Variants in TENM4 observed in about 807,000 individuals in gnomAD.
TENM4 encodes the protein teneurin transmembrane protein 4, also known as teneurin-4.
A neutral mutation model predicts 243.3 loss-of-function variants in TENM4; 82 were observed. The observed-to-expected ratio is 0.34, with a 90% CI of 0.28 to 0.40. The LOEUF (loss-of-function observed/expected upper bound fraction) is 0.40, where lower values mean the gene tolerates loss of function less well. TENM4 is among the 10% of genes least tolerant of loss of function. The pLI, the probability that TENM4 is intolerant of heterozygous loss-of-function variation, is 1.00. For synonymous variants in TENM4, 1,412 were observed against 1,456.3 expected (o/e 0.97, Z 0.69); for missense variants, 3,138 against 3,673.3 (o/e 0.85, Z 3.77).
At chr11:78,938,397 C>A (rs1856829246) in intron 6 of TENM4, among the ~76,000 whole-genome samples, 1 of 152,084 alleles carries the variant, frequency 6.6e-6, no homozygotes, top group Non-Finnish European at 1.5e-5. Context: ...CATCATTTAC[C>A]ACTCAGAGCA....
At chr11:79,011,522 G>A (rs899474754) in intron 6 of TENM4, among the ~76,000 whole-genome samples, 11 of 152,194 alleles carry the variant, frequency 7.2e-5, no homozygotes, top group African/African-American at 2.7e-4. Flanking sequence ...CCTCCCTGAG[G>A]TTCTTGGCTT....
chr11:78,728,712 T>G (rs371087451), intron 22 of TENM4, among the ~76,000 whole-genome samples: 57 of 152,280 alleles, frequency 3.7e-4, no homozygotes, highest in African/African-American at 1.3e-3. Flanking sequence ...TGGTTACTCT[T>G]AAGTGCTTGG....
intron 19 of TENM4, among the ~76,000 whole-genome samples, chr11:78,750,215 TGAAATAA>T (rs1856150611): frequency 2.0e-5 from 3 of 152,252 alleles, no homozygotes; most frequent in Admixed American, 2.0e-4. Flanking sequence ...CACATGTAAC[TGAAATAA>T]GTTTCATGAA....
At chr11:79,251,459 G>T (rs485003) in intron 2 of TENM4, among the ~76,000 whole-genome samples, 29,279 of 152,176 alleles carry the variant, frequency 0.19, 3,721 homozygotes, top group African/African-American at 0.37. Flanking sequence ...ACTGTCCTAG[G>T]ACAAGTAGGA....
intron 2 of TENM4, among the ~76,000 whole-genome samples, chr11:79,222,621 C>T (rs1328845854): frequency 6.6e-6 from 1 of 152,174 alleles, no homozygotes; most frequent in East Asian, 1.9e-4. Context: ...ACATTCCCAC[C>T]AACAATGTAA....
At chr11:79,416,928 C>T (rs546582779) in intron 1 of TENM4, among the ~76,000 whole-genome samples, 6 of 151,982 alleles carry the variant, frequency 3.9e-5, no homozygotes, top group African/African-American at 1.2e-4. Flanking sequence ...GTAACATCAA[C>T]GCTTTCTTGC....
rs750353231 is a variant in TENM4 at position 78,786,990 on chromosome 11, C to G, written c.2273G>C (p.Arg758Pro). The part of the protein sequence containing the change: ...DGWMGAACDQ[R>P]ACHPRCAEHG... ...CTCGGCACAGCGCGGGTGGCAGGCC[C>G]GCTGGTCGCAGGCTGCCCCCATCCA... is the stretch of plus-strand genomic sequence containing the variant. The change falls in exon 16 of 34, where the codon CGG becomes CCG. Residue 758 changes from arginine to proline, a missense_variant. Transcript: ENST00000278550. The G allele has an allele frequency of 6.3e-7, 1 of 1,577,588 alleles. No homozygotes were observed. Among genetic ancestry groups the G allele is most frequent in the Middle Eastern group, 1.7e-4 (1 of 6,024 alleles).
rs540424882 is a variant in TENM4 at position 79,107,832 on chromosome 11, A to G, written c.-65-37823T>C. Among the ~76,000 whole-genome samples the G allele has an allele frequency of 8.3e-4, 127 of 152,342 alleles. 1 individual carries two copies. Among genetic ancestry groups the G allele is most frequent in the African/African-American group, 2.9e-3 (119 of 41,586 alleles). On this transcript the variant is annotated intron_variant, in intron 4 of 33. Transcript: ENST00000278550. ...TCCAAGCTTTGAGGCAAGTACTGTC[A>G]ACCCTATTTGAGCAAGAAGGACCCT...
chr11:79,315,489 C>T (rs4945338), intron 1 of TENM4, among the ~76,000 whole-genome samples: 2 of 152,038 alleles, frequency 1.3e-5, no homozygotes, highest in African/African-American at 2.4e-5. Flanking sequence ...TGTTTGGCTG[C>T]GGATAGGGGA....
At chr11:79,168,523 G>A (rs1307759345) in intron 3 of TENM4, among the ~76,000 whole-genome samples, 2 of 152,146 alleles carry the variant, frequency 1.3e-5, no homozygotes, top group African/African-American at 2.4e-5. Flanking sequence ...AAAGGGAGAG[G>A]AGAGAAAGCT....
intron 6 of TENM4, among the ~76,000 whole-genome samples, chr11:79,061,950 T>C (rs192485889): frequency 4.1e-4 from 61 of 147,840 alleles, no homozygotes; most frequent in Admixed American, 1.8e-3. Flanking sequence ...TAGGTTGAGA[T>C]AATCGGTGGC....
intron 4 of TENM4, among the ~76,000 whole-genome samples, chr11:79,108,486 A>G (rs1323066912): frequency 6.6e-6 from 1 of 152,134 alleles, no homozygotes; most frequent in Non-Finnish European, 1.5e-5. Context: ...GAGATTACAC[A>G]TATGTATACT....
chr11:78,865,565 ATGAAGG>A (rs1174776910), intron 9 of TENM4, among the ~76,000 whole-genome samples: 1 of 152,138 alleles, frequency 6.6e-6, no homozygotes, highest in Non-Finnish European at 1.5e-5. Context: ...GCCCCAGTGT[ATGAAGG>A]TGTCACTGAT....
At chr11:79,324,711 A>G (rs965798048) in intron 1 of TENM4, among the ~76,000 whole-genome samples, 2 of 152,146 alleles carry the variant, frequency 1.3e-5, no homozygotes, top group African/African-American at 2.4e-5. Context: ...GACACATTCT[A>G]TTGGTTCTGT....
chr11:78,972,230 C>T (rs1857559461), intron 6 of TENM4, among the ~76,000 whole-genome samples: 1 of 152,086 alleles, frequency 6.6e-6, no homozygotes, highest in African/African-American at 2.4e-5. Flanking sequence ...CTCAGCAGAC[C>T]CACAGCCTCC....
intron 6 of TENM4, among the ~76,000 whole-genome samples, chr11:79,058,162 G>C (rs953888031): frequency 2.6e-5 from 4 of 152,188 alleles, no homozygotes; most frequent in African/African-American, 7.2e-5. Context: ...GATATAGCTA[G>C]AAGCATCTCT....
At chr11:79,276,329 G>A (rs1390082365) in intron 2 of TENM4, among the ~76,000 whole-genome samples, 4 of 152,348 alleles carry the variant, frequency 2.6e-5, no homozygotes, top group Non-Finnish European at 5.9e-5. Context: ...CTTGTGCCCC[G>A]GTGCCGGGCT....
intron 9 of TENM4, among the ~76,000 whole-genome samples, chr11:78,864,358 T>C (rs2511138): frequency 0.94 from 137,903 of 146,232 alleles, 65,373 homozygotes; most frequent in Non-Finnish European, 0.99. Flanking sequence ...GAAGTGAACC[T>C]GGGAGGCGGA....
At chr11:78,850,322 C>T (rs1160864717) in intron 12 of TENM4, among the ~76,000 whole-genome samples, 2 of 152,148 alleles carry the variant, frequency 1.3e-5, no homozygotes, top group East Asian at 3.8e-4. Flanking sequence ...GACATAAATA[C>T]TCTGGATTCT....
Sources: gnomAD v4.1 joint callset for allele counts (sites outside exome capture counted in the v4.1 genomes callset) on GRCh38, gnomAD v4.1.1 for gene constraint, MANE v1.5 for transcripts, NCBI Gene and HGNC (gene_info 2026-07-23, HGNC 2026-07-21) for gene names.